Variants in ANKRD36 observed in about 807,000 individuals in gnomAD.
ANKRD36 encodes the protein ankyrin repeat domain-containing protein 36A.
ANKRD36 carries 179 observed loss-of-function variants against 278.1 expected under a neutral mutation model. The observed-to-expected ratio is 0.64, with a 90% CI of 0.57 to 0.73. The LOEUF (loss-of-function observed/expected upper bound fraction) is 0.73, where lower values mean the gene tolerates loss of function less well. ANKRD36 is among the 30% of genes least tolerant of loss of function. The pLI is 0.00. For missense variants in ANKRD36, 1,159 were observed against 1,956.7 expected, an observed-to-expected ratio of 0.59 and a Z score of 7.69; for synonymous variants, 320 against 641.1, an observed-to-expected ratio of 0.50 and a Z score of 7.57.
At chr2:97,153,299 C>T (rs1431574623) in intron 14 of ANKRD36, among the ~76,000 whole-genome samples, 6 of 151,618 alleles carry the variant, frequency 4.0e-5, no homozygotes, top group Non-Finnish European at 7.4e-5. Flanking sequence ...CCTTCTGTGA[C>T]ATTTTAATAA....
intron 56 of ANKRD36, among the ~76,000 whole-genome samples, chr2:97,210,085 T>C (rs953441962): frequency 2.6e-5 from 4 of 151,796 alleles, no homozygotes; most frequent in African/African-American, 9.7e-5. Flanking sequence ...CACATTGAAA[T>C]TGGGAAGAAG....
intron 28 of ANKRD36, among the ~76,000 whole-genome samples, chr2:97,184,401 C>G (rs1224543488): frequency 6.6e-6 from 1 of 151,388 alleles, no homozygotes; most frequent in Non-Finnish European, 1.5e-5. Context: ...AGCTTTTTTC[C>G]AAAGTGCTGG....
rs1207757592 is a variant in ANKRD36 at position 97,220,534 on chromosome 2, C to T, written c.3877+1288C>T. Among the ~76,000 whole-genome samples the T allele has an allele frequency of 1.3e-5, 2 of 151,282 alleles. 1 individual carries two copies. Among genetic ancestry groups the T allele is most frequent in the East Asian group, 4.0e-4 (2 of 4,972 alleles). ...GGATTATTTTACTTGACATAATGTCCTCCTGTTCCATCCATGTCATTGCGA... is the reference window on the plus strand; with the variant it reads ...GGATTATTTTACTTGACATAATGTCTTCCTGTTCCATCCATGTCATTGCGA... On this transcript the variant is annotated intron_variant, in intron 66 of 75. Coordinates refer to ENST00000420699, the MANE Select transcript of ANKRD36 (RefSeq NM_001354587.1).
intron 28 of ANKRD36, among the ~76,000 whole-genome samples, chr2:97,184,328 A>G (rs1300839406): frequency 6.6e-6 from 1 of 151,798 alleles, no homozygotes; most frequent in African/African-American, 2.4e-5. Context: ...TATTAGTATC[A>G]GGCATCAGAC....
chr2:97,204,221 A>C lies in ANKRD36; in HGVS notation c.3019A>C (p.Asn1007His), dbSNP rs1268261364. 1.3e-6 allele frequency: 2 copies of C among 1,583,388 alleles called. No individual in the cohort carries two copies. The highest frequency in any genetic ancestry group is 2.3e-5 in the South Asian group (2 of 86,594). ...ATSDEKDSVL[N>H]IARGKKDGEK... ...AAGTGATGAGAAAGATTCTGTTTTG[A>C]ATATAGCCAGAGGAAAAAAGGATGG... Residue 1007 changes from asparagine (N) to histidine (H), a missense_variant, in exon 50 of 76, where the codon AAT (asparagine) becomes CAT (histidine). Coordinates refer to ENST00000420699, the MANE Select transcript of ANKRD36 (RefSeq NM_001354587.1).
At chr2:97,174,980 T>A (rs1457082896) in intron 22 of ANKRD36, among the ~76,000 whole-genome samples, 1 of 143,054 alleles carries the variant, frequency 7.0e-6, no homozygotes, top group Non-Finnish European at 1.6e-5. Context: ...TGAAGCCCAC[T>A]TGATCATGGT....
At chr2:97,178,151 T>G (rs1257476822) in intron 22 of ANKRD36, among the ~76,000 whole-genome samples, 2 of 150,962 alleles carry the variant, frequency 1.3e-5, no homozygotes, top group East Asian at 3.9e-4. Context: ...CCAGTTAGAA[T>G]GGCCATCATT....
At chr2:97,186,036 A>G (rs1044245784) in intron 30 of ANKRD36, among the ~76,000 whole-genome samples, 4 of 151,772 alleles carry the variant, frequency 2.6e-5, no homozygotes, top group South Asian at 2.1e-4. Flanking sequence ...CTGCTGAGGA[A>G]ACCTGAGTGA....
chr2:97,117,248 ATTT>A (rs762741240), intron 1 of ANKRD36, among the ~76,000 whole-genome samples: 1 of 151,188 alleles, frequency 6.6e-6, no homozygotes. Context: ...TCTTTGGATT[ATTT>A]TTTTTTTTAA....
chr2:97,204,591 A>G (rs1029228118), intron 50 of ANKRD36, among the ~76,000 whole-genome samples: 1 of 151,336 alleles, frequency 6.6e-6, no homozygotes, highest in African/African-American at 2.4e-5. Context: ...AAAGAGAGGA[A>G]GTATAGAATT....
chr2:97,207,131 C>T (rs549437763), intron 52 of ANKRD36, among the ~76,000 whole-genome samples: 35 of 151,482 alleles, frequency 2.3e-4, no homozygotes, highest in African/African-American at 8.4e-4. Flanking sequence ...TTTATTGAGG[C>T]TAATATATTA....
intron 44 of ANKRD36, among the ~76,000 whole-genome samples, chr2:97,199,698 G>C (rs1219881319): frequency 2.0e-5 from 3 of 151,852 alleles, no homozygotes; most frequent in Non-Finnish European, 4.4e-5. Context: ...AGAAACTTTC[G>C]GAAGGGTAAA....
intron 48 of ANKRD36, 109 bp from the exon 49 acceptor site, chr2:97,203,959 T>C: frequency 6.8e-7 from 1 of 1,479,814 alleles, no homozygotes; most frequent in Non-Finnish European, 9.1e-7. Flanking sequence ...CATCAAAGCA[T>C]ACGCTAATAC....
At chr2:97,122,818 C>T (rs1210444053) in intron 3 of ANKRD36, 69 bp from the exon 4 acceptor site, 10 of 1,403,560 alleles carry the variant, frequency 7.1e-6, no homozygotes, top group Middle Eastern at 1.8e-4. Context: ...ATCTTACTTA[C>T]ATAAGGTTTT....
chr2:97,220,142 A>C, intron 66 of ANKRD36, among the ~76,000 whole-genome samples: 1 of 143,158 alleles, frequency 7.0e-6, no homozygotes, highest in East Asian at 2.2e-4. Flanking sequence ...ATGTTTATGG[A>C]GTAGATGAGA....
intron 13 of ANKRD36, 116 bp downstream of exon 13, chr2:97,152,055 C>T (rs2046163377): frequency 1.6e-5 from 14 of 864,520 alleles, no homozygotes; most frequent in South Asian, 1.4e-4. Flanking sequence ...TGCAGTGGTG[C>T]GATCTTGGCT....
intron 12 of ANKRD36, among the ~76,000 whole-genome samples, chr2:97,149,953 T>C (rs950492677): frequency 6.6e-6 from 1 of 151,784 alleles, no homozygotes; most frequent in African/African-American, 2.4e-5. Context: ...ATCATGTGCC[T>C]GTAGTCCCAC....
chr2:97,190,871 A>G, intron 34 of ANKRD36, 107 bp from the exon 35 acceptor site: 14 of 1,494,486 alleles, frequency 9.4e-6, no homozygotes, highest in Non-Finnish European at 1.3e-5. Context: ...CAGAGCCTAC[A>G]CTAGTACAGG....
intron 6 of ANKRD36, among the ~76,000 whole-genome samples, chr2:97,127,498 T>C (rs2038928279): frequency 6.6e-6 from 1 of 151,974 alleles, no homozygotes; most frequent in Admixed American, 6.6e-5. Flanking sequence ...AAATAAATTC[T>C]TTGCAATTAC....
Sources: allele counts gnomAD v4.1 joint callset (sites outside exome capture counted in the v4.1 genomes callset), GRCh38; gene constraint gnomAD v4.1.1; transcripts MANE v1.5; gene names NCBI Gene and HGNC (gene_info 2026-07-23, HGNC 2026-07-21).